Variants in PLEKHA6 observed in about 807,000 individuals in gnomAD.
The protein encoded by PLEKHA6 is pleckstrin homology domain-containing family A member 6.
PLEKHA6 carries 60 observed loss-of-function variants against 116.7 expected under a neutral mutation model. The ratio of observed to expected loss-of-function variants is 0.51; its 90% CI spans 0.42 to 0.64. The LOEUF (loss-of-function observed/expected upper bound fraction) is 0.64. Ranked by LOEUF, PLEKHA6 falls within the 30% of genes least tolerant of loss-of-function variation. The probability of loss-of-function intolerance (pLI) is 0.00; values close to 1 mark genes in which losing one functional copy is unlikely to be tolerated. For missense variants in PLEKHA6, 1,338 were observed against 1,422.7 expected, an observed-to-expected ratio of 0.94 and a Z score of 0.96; for synonymous variants, 489 against 556.1, an observed-to-expected ratio of 0.88 and a Z score of 1.70.
intron 21 of PLEKHA6, among the ~76,000 whole-genome samples, chr1:204,227,827 C>T (rs1660571039): frequency 1.3e-5 from 2 of 152,188 alleles, no homozygotes; most frequent in South Asian, 4.1e-4. Context: ...TGGCCTCTGG[C>T]CATTACTCCC....
In PLEKHA6 at chr1:204,247,213, TC is replaced by T; in HGVS notation, c.1920+151del. On this transcript the variant is annotated intron_variant, in intron 13 of 22. Coordinates refer to ENST00000272203, the MANE Select transcript of PLEKHA6 (RefSeq NM_014935.5). ...CTCCCAAGCTTCAGCTTTAACTCCTTCCCCTGTGAGATGAACCTAAAGCGTC... is the reference window on the plus strand; with the variant it reads ...CTCCCAAGCTTCAGCTTTAACTCCTTCCCTGTGAGATGAACCTAAAGCGTC... 7 of 556,392 alleles carry T rather than the reference TC, an allele frequency of 1.3e-5. No homozygotes were observed. In the South Asian group the frequency reaches 1.4e-4, roughly 11 times the overall value. The allele number at this position is 556,392 out of a possible 1,614,324, so 34.5% of individuals were successfully genotyped here.
chr1:204,245,897 C>T (rs1289251259), intron 13 of PLEKHA6, among the ~76,000 whole-genome samples, 171 bp from the exon 14 acceptor site: 1 of 152,118 alleles, frequency 6.6e-6, no homozygotes, highest in Non-Finnish European at 1.5e-5. Context: ...CAGCAGTCAT[C>T]TTTCCCATGG....
At chr1:204,243,140 G>T (rs546839612) in intron 15 of PLEKHA6, 3 of 399,296 alleles carry the variant, frequency 7.5e-6, no homozygotes, top group Non-Finnish European at 1.3e-5. Flanking sequence ...TCGCCACTGC[G>T]GTGCCAGGAA....
chr1:204,350,812 G>A (rs1385711514), intron 1 of PLEKHA6, among the ~76,000 whole-genome samples: 1 of 152,198 alleles, frequency 6.6e-6, no homozygotes, highest in African/African-American at 2.4e-5. Context: ...GTCCCATGAA[G>A]GCCAAGACGA....
chr1:204,254,523 T>C (rs1419541206), intron 9 of PLEKHA6, among the ~76,000 whole-genome samples: 2 of 152,182 alleles, frequency 1.3e-5, no homozygotes, highest in African/African-American at 2.4e-5. Flanking sequence ...CATTAGATGT[T>C]TCCTCAGCTG....
chr1:204,377,721 G>A (rs1673895212), upstream of PLEKHA6: 1 of 152,106 alleles, frequency 6.6e-6, no homozygotes, highest in South Asian at 2.1e-4. Context: ...CGGCTGGGCA[G>A]GGGGCTTGGT....
At chr1:204,371,453 G>A (rs911182647) in intron 2 of PLEKHA6, 1 of 152,304 alleles carries the variant, frequency 6.6e-6, no homozygotes, top group African/African-American at 2.4e-5. Flanking sequence ...GCAAAGTTGG[G>A]GCACAGGATT....
At chr1:204,236,795 A>G (rs1662116318) in intron 17 of PLEKHA6, among the ~76,000 whole-genome samples, 1 of 152,170 alleles carries the variant, frequency 6.6e-6, no homozygotes, top group Non-Finnish European at 1.5e-5. Context: ...TTCCAAGTCA[A>G]ATGGGCAAAA....
intron 15 of PLEKHA6, 87 bp from the exon 16 acceptor site, chr1:204,241,901 T>A: frequency 7.0e-7 from 1 of 1,421,934 alleles, no homozygotes; most frequent in Non-Finnish European, 9.9e-7. Flanking sequence ...TTTTTAATGG[T>A]TGAAGCTCAA....
intron 5 of PLEKHA6, among the ~76,000 whole-genome samples, chr1:204,266,004 C>G (rs911216489): frequency 1.4e-4 from 22 of 152,224 alleles, no homozygotes; most frequent in Non-Finnish European, 2.9e-5. Context: ...CTCCAATTCC[C>G]TGGGATCACT....
In PLEKHA6 at chr1:204,326,928, C is replaced by T. The variant is rs543956322; in HGVS notation, c.-95+32766G>A. ...GGTGAGGAACTGCTCACTGCCCAAA[C>T]CCTGGGGCCTCCGCACTTAGGCAGG... is the stretch of plus-strand genomic sequence containing the variant. On this transcript the variant is annotated intron_variant, in intron 1 of 22. Transcript: ENST00000272203. 1.3e-5 allele frequency: 13 copies of T among 969,804 alleles called. No individual in the cohort carries two copies. In the South Asian group the frequency reaches 2.9e-4, roughly 21 times the overall value. 60.1% of individuals were successfully genotyped at this position (969,804 alleles called of 1,614,324 possible).
At chr1:204,258,171 C>CAG (rs1171304687) in intron 8 of PLEKHA6, among the ~76,000 whole-genome samples, 20 of 152,176 alleles carry the variant, frequency 1.3e-4, no homozygotes, top group Non-Finnish European at 2.8e-4. Flanking sequence ...ACCAGTTTAT[C>CAG]AGATCTTTTC....
rs1342600791 is a variant in PLEKHA6, at chr1:204,367,797, A to C, written c.218+2T>G. 6.6e-6 allele frequency: 1 copy of C among 152,178 alleles called. No individual in the cohort carries two copies. The highest frequency in any genetic ancestry group is 1.9e-4 in the East Asian group (1 of 5,198). 9.4% of individuals were successfully genotyped at this position (152,178 alleles called of 1,614,324 possible). A position where few individuals can be genotyped will look rare whatever the true frequency, so the allele number is the denominator to read the frequency against. ...TCAGAAAGGAAACTGCGTCTTACTCACTTGATGAAATACACAGCTCCTTCC... is the reference window on the plus strand; with the variant it reads ...TCAGAAAGGAAACTGCGTCTTACTCCCTTGATGAAATACACAGCTCCTTCC... On this transcript the variant is annotated splice_donor_variant, in intron 3 of 4. Coordinates refer to the PLEKHA6 transcript ENST00000564627. LOFTEE classifies it high-confidence loss of function.
chr1:204,311,504 A>C, intron 1 of PLEKHA6: 2 of 591,430 alleles, frequency 3.4e-6, no homozygotes, highest in Non-Finnish European at 4.3e-6. Flanking sequence ...AAAAAAAAAA[A>C]GTTATTCTGC....
intron 1 of PLEKHA6, among the ~76,000 whole-genome samples, chr1:204,295,714 C>A (rs187871166): frequency 3.1e-4 from 47 of 152,102 alleles, no homozygotes; most frequent in Non-Finnish European, 5.1e-4. Flanking sequence ...CATCTGAAAC[C>A]CTCACCCCAT....
At position 204,257,782 on chromosome 1, in the gene PLEKHA6, G is replaced by A. The variant is rs772723621; in HGVS notation, c.1095C>T (p.Tyr365=). The A allele has an allele frequency of 4.1e-5, 66 of 1,613,956 alleles. 1 individual carries two copies. Among genetic ancestry groups the A allele is most frequent in the South Asian group, 2.9e-4 (26 of 91,042 alleles). Residue 365 remains tyrosine (Y), a synonymous_variant, in exon 9 of 23, where the codon TAC becomes TAT. Coordinates refer to ENST00000272203, the MANE Select transcript of PLEKHA6 (RefSeq NM_014935.5). This position sits in a 1 kb window ranked among gnomAD's most constrained non-coding sequence, Gnocchi z 6.5. ...TGCTCTCCGGCCGCACTCCTGGCGG[G>A]TAGTACTGATAATCATCGGGGTACT... is the stretch of plus-strand genomic sequence containing the variant. ...SSQYPDDYQY[Y]PPGVRPESIC...
Position 204,230,466 on chromosome 1 carries a change from G to A in PLEKHA6, c.2530C>T (p.Gln844Ter). 6.3e-7 allele frequency: 1 copy of A among 1,581,574 alleles called. No homozygotes were observed. Among genetic ancestry groups the A allele is most frequent in the Non-Finnish European group, 8.6e-7 (1 of 1,163,464 alleles). Reference protein sequence around the residue: ...GSMREKRRSLQLPASPAPDPS... With the variant: ...GSMREKRRSL ...TCGGGGGCCGGGCTGGCCGGGAGCT[G>A]CAGGCTCCTCCGCTTCTCCCTCATG... Residue 844 changes from glutamine (Q) to a stop codon, truncating the protein, a stop_gained, in exon 18 of 23, where the codon CAG becomes TAG. Transcript: ENST00000272203. LOFTEE classifies it high-confidence loss of function.
chr1:204,332,339 C>G (rs1210254751), intron 1 of PLEKHA6, among the ~76,000 whole-genome samples: 4 of 152,170 alleles, frequency 2.6e-5, no homozygotes, highest in African/African-American at 9.7e-5. Context: ...CTGAATCAAC[C>G]CATGCCAAGC....
chr1:204,313,691 A>C (rs1572166911), intron 1 of PLEKHA6: 6 of 985,264 alleles, frequency 6.1e-6, no homozygotes, highest in Non-Finnish European at 7.2e-6. Flanking sequence ...TGAGATTTTC[A>C]CCTGACATTC....
Sources: gnomAD v4.1 joint callset for allele counts (sites outside exome capture counted in the v4.1 genomes callset) on GRCh38, gnomAD v4.1.1 for gene constraint, Gnocchi (gnomAD v3.1) non-coding constraint, MANE v1.5 for transcripts, NCBI Gene and HGNC (gene_info 2026-07-23, HGNC 2026-07-21) for gene names.